Variants in GSR observed in about 807,000 individuals in gnomAD.
The protein encoded by GSR is glutathione-disulfide reductase.
A neutral mutation model predicts 56.5 loss-of-function variants in GSR; 48 were observed. The ratio of observed to expected loss-of-function variants is 0.85; its 90% CI spans 0.67 to 1.08. The LOEUF is 1.08. Ranked by LOEUF, GSR falls within the 50% of genes least tolerant of loss-of-function variation. The pLI is 0.00. For synonymous variants in GSR, 264 were observed against 270.8 expected, an observed-to-expected ratio of 0.97 and a Z score of 0.25; for missense variants, 694 against 703.3, an observed-to-expected ratio of 0.99 and a Z score of 0.15.
intron 1 of GSR, 62 bp downstream of exon 1, chr8:30,727,468 C>A: frequency 7.0e-7 from 1 of 1,431,626 alleles, no homozygotes; most frequent in Non-Finnish European, 9.5e-7. Flanking sequence ...CGAGCACAGG[C>A]TGTCCCCCGA....
rs531678110 is a variant in GSR at position 30,679,995 on chromosome 8, G to A, written c.1420-326C>T. On this transcript the variant is annotated intron_variant, in intron 12 of 12. Coordinates refer to ENST00000221130, the MANE Select transcript of GSR (RefSeq NM_000637.5). The stretch of plus-strand genomic sequence containing the variant: ...GCTGGGATTACAGGGGTGAGCCACG[G>A]TGTCTGACTGATATTGTGATCTTAA... Among the ~76,000 whole-genome samples, 6 of 152,044 alleles carry A rather than the reference G, an allele frequency of 3.9e-5. No homozygotes were observed. The South Asian group carries it at 1.2e-3, about 32-fold the overall frequency.
chr8:30,692,988 T>C lies in GSR; in HGVS notation c.863A>G (p.Glu288Gly). ...CTGTACCTGGGAGAACTTCAGCACC[T>C]CCACGCCAGCGTTCTCCAGCTCCTC... Reference protein sequence around the residue: ...CTEELENAGVEVLKFSQVKEV... With the variant: ...CTEELENAGVGVLKFSQVKEV... Residue 288 changes from glutamate to glycine, a missense_variant, in exon 8 of 13, where the codon GAG becomes GGG. By Grantham distance (98) the Glu-to-Gly change is moderately conservative. Coordinates refer to ENST00000221130, the MANE Select transcript of GSR (RefSeq NM_000637.5). 1 of 1,611,494 alleles carries C rather than the reference T, an allele frequency of 6.2e-7. No homozygotes were observed. Among genetic ancestry groups the C allele is most frequent in the Non-Finnish European group, 8.5e-7 (1 of 1,178,156 alleles).
At position 30,727,627 on chromosome 8, in the gene GSR, A is replaced by C. The variant is rs1353534736; in HGVS notation, c.209T>G (p.Ile70Ser). The C allele has an allele frequency of 6.6e-7, 1 of 1,508,598 alleles. No individual in the cohort carries two copies. Among genetic ancestry groups the C allele is most frequent in the Non-Finnish European group, 8.8e-7 (1 of 1,135,478 alleles). The allele number at this position is 1,508,598 out of a possible 1,614,324, so 93.5% of individuals were successfully genotyped here. The change falls in exon 1 of 13, where the codon ATC (isoleucine) becomes AGC (serine). Residue 70 changes from isoleucine to serine, a missense_variant. Physicochemically the swap from Ile to Ser is moderately radical, Grantham distance 142. Transcript: ENST00000221130. The part of the protein sequence containing the change: ...GAVASYDYLV[I>S]GGGSGGLASA... ...GGCCAGCCCGCCCGAGCCGCCCCCG[A>C]TCACCAGGTAGTCATAGGAGGCCAC...
intron 1 of GSR, among the ~76,000 whole-genome samples, chr8:30,718,920 G>T (rs939339208): frequency 1.3e-5 from 2 of 148,832 alleles, no homozygotes; most frequent in African/African-American, 5.1e-5. Flanking sequence ...AAGGTGTTTT[G>T]TTTTTTTTTT....
intron 8 of GSR, among the ~76,000 whole-genome samples, chr8:30,690,198 GAC>G (rs1292928021): frequency 6.8e-6 from 1 of 147,282 alleles, no homozygotes; most frequent in African/African-American, 2.5e-5. Context: ...TTCTTTAAGA[GAC>G]AGGGTCTTGC....
intron 5 of GSR, among the ~76,000 whole-genome samples, chr8:30,702,461 T>G (rs1162072594): frequency 1.3e-5 from 2 of 152,214 alleles, no homozygotes; most frequent in Non-Finnish European, 2.9e-5. Flanking sequence ...ACTTAGCTAC[T>G]CAAGCTACAT....
At chr8:30,704,927 A>G (rs1356040702) in intron 4 of GSR, 1 of 152,176 alleles carries the variant, frequency 6.6e-6, no homozygotes, top group Non-Finnish European at 1.5e-5. Context: ...AGGAGGAAGC[A>G]GTGAGATTTT....
intron 12 of GSR, among the ~76,000 whole-genome samples, chr8:30,680,385 T>TGC (rs71206272): frequency 2.9e-5 from 3 of 103,076 alleles, no homozygotes; most frequent in African/African-American, 1.1e-4. Flanking sequence ...TCTCCTGTTT[T>TGC]TTTTTTTTTT....
intron 1 of GSR, among the ~76,000 whole-genome samples, chr8:30,723,413 G>A (rs1586073363): frequency 1.3e-5 from 2 of 152,162 alleles, no homozygotes; most frequent in African/African-American, 4.8e-5. Context: ...GATCGCTTGA[G>A]CCCAGGAGTT....
chr8:30,707,839 C>T (rs1803966774), intron 4 of GSR, among the ~76,000 whole-genome samples: 1 of 152,022 alleles, frequency 6.6e-6, no homozygotes. Flanking sequence ...CGCCTGTAGT[C>T]CCAGCTACTC....
chr8:30,700,266 G>GTC (rs1395296643), intron 5 of GSR, 131 bp from the exon 6 acceptor site: 1 of 737,304 alleles, frequency 1.4e-6, no homozygotes, highest in Non-Finnish European at 2.4e-6. Flanking sequence ...TTTTGTTAAA[G>GTC]TCTCTGCTTG....
intron 5 of GSR, 97 bp from the exon 6 acceptor site, chr8:30,700,232 C>CA (rs1803684063): frequency 2.3e-6 from 2 of 885,166 alleles, no homozygotes; most frequent in Admixed American, 3.5e-5. Context: ...CTTTCACAGC[C>CA]AACATAGTCT....
intron 1 of GSR, among the ~76,000 whole-genome samples, chr8:30,718,946 T>A (rs1804434618): frequency 6.6e-6 from 1 of 151,738 alleles, no homozygotes; most frequent in South Asian, 2.1e-4. Context: ...TTGTTTTGTT[T>A]TGAGATGGAG....
Position 30,679,187 on chromosome 8 carries a change from T to G in GSR, c.*333A>C. On this transcript the variant is annotated 3_prime_UTR_variant, in exon 13 of 13. Coordinates refer to ENST00000221130, the MANE Select transcript of GSR (RefSeq NM_000637.5). The stretch of plus-strand genomic sequence containing the variant: ...AAAAAAAGTAGCAAGTTCTATTCAT[T>G]CAAGTACATTAAGTTAATTGTACTT... The G allele has an allele frequency of 3.7e-6, 1 of 268,022 alleles. No homozygotes were observed. The highest frequency in any genetic ancestry group is 9.9e-5 in the East Asian group (1 of 10,058). The allele number at this position is 268,022 out of a possible 1,614,324, so 16.6% of individuals were successfully genotyped here. A position where few individuals can be genotyped will look rare whatever the true frequency, so the allele number is the denominator to read the frequency against.
intron 10 of GSR, among the ~76,000 whole-genome samples, chr8:30,683,482 T>C (rs1012865131): frequency 2.0e-5 from 3 of 152,094 alleles, no homozygotes; most frequent in African/African-American, 7.2e-5. Flanking sequence ...GTCTTGGTTG[T>C]ATCAAGACCA....
chr8:30,688,765 A>G (rs1803253446), intron 9 of GSR, among the ~76,000 whole-genome samples: 1 of 151,648 alleles, frequency 6.6e-6, no homozygotes, highest in Non-Finnish European at 1.5e-5. Context: ...AAAAAAATAA[A>G]AATAAAAAAA....
chr8:30,691,821 G>T (rs1164935791), intron 8 of GSR, among the ~76,000 whole-genome samples: 1 of 152,058 alleles, frequency 6.6e-6, no homozygotes, highest in Non-Finnish European at 1.5e-5. Flanking sequence ...ATCAGGGGCC[G>T]GGTGTGGTGG....
intron 9 of GSR, among the ~76,000 whole-genome samples, chr8:30,685,454 A>G (rs965797854): frequency 6.6e-6 from 1 of 152,052 alleles, no homozygotes; most frequent in African/African-American, 2.4e-5. Flanking sequence ...TTTGCACTCT[A>G]CTCTAAAACA....
chr8:30,717,047 G>A (rs570213281), intron 1 of GSR, among the ~76,000 whole-genome samples: 1 of 152,204 alleles, frequency 6.6e-6, no homozygotes, highest in East Asian at 1.9e-4. Flanking sequence ...AGACCAGCCT[G>A]ACCAACATGG....
Sources: allele counts gnomAD v4.1 joint callset (sites outside exome capture counted in the v4.1 genomes callset), GRCh38; gene constraint gnomAD v4.1.1; transcripts MANE v1.5; gene names NCBI Gene and HGNC (gene_info 2026-07-23, HGNC 2026-07-21).